Variants in ANO9 observed in about 807,000 individuals in gnomAD.
ANO9 encodes the protein anoctamin 9.
Under a neutral mutation model 100.5 loss-of-function variants are expected in ANO9, and 80 were observed. The observed-to-expected ratio is 0.80, with a 90% CI of 0.66 to 0.96. The LOEUF is 0.96. Ranked by LOEUF, ANO9 falls within the 40% of genes least tolerant of loss-of-function variation. ANO9 has a pLI of 0.00. For missense variants in ANO9, 1,064 were observed against 1,072.7 expected (o/e 0.99, Z 0.11); for synonymous variants, 473 against 435.6 (o/e 1.09, Z -1.07).
intron 1 of ANO9, among the ~76,000 whole-genome samples, chr11:441,662 T>G (rs1845882398): frequency 6.6e-6 from 1 of 152,112 alleles, no homozygotes; most frequent in Admixed American, 6.5e-5. Flanking sequence ...CCAGCCCTGG[T>G]GCCCTCAGAA....
At chr11:423,108 G>A (rs1256231406) in intron 15 of ANO9, among the ~76,000 whole-genome samples, 15 of 152,118 alleles carry the variant, frequency 9.9e-5, no homozygotes, top group African/African-American at 2.9e-4. Context: ...GATTACAGGC[G>A]TGAGCCACCA....
rs74541064 is a variant in ANO9 at position 431,857 on chromosome 11, G to A, written c.456C>T (p.Pro152=). ...MKDGVFEARF[P]LHKGEGRLKK... ...CCAGCCCACCCCTCACCTTGTGCAG[G>A]GGGAACCTGGCCTCAAAGACCCCGT... The change falls in exon 6 of 23, where the codon CCC becomes CCT. Residue 152 remains proline (P), a synonymous_variant. Transcript: ENST00000332826. 6.2e-7 allele frequency: 1 copy of A among 1,610,764 alleles called. No homozygotes were observed. Among genetic ancestry groups the A allele is most frequent in the South Asian group, 1.1e-5 (1 of 91,008 alleles).
At chr11:441,050 G>A (rs1312187586) in intron 1 of ANO9, among the ~76,000 whole-genome samples, 1 of 152,190 alleles carries the variant, frequency 6.6e-6, no homozygotes, top group East Asian at 1.9e-4. Context: ...CTCAGGCTAA[G>A]GGGCATCAGG....
intron 1 of ANO9, 144 bp from the exon 2 acceptor site, chr11:434,242 C>T (rs1849275433): frequency 9.8e-7 from 1 of 1,017,180 alleles, no homozygotes; most frequent in Non-Finnish European, 1.4e-6. Flanking sequence ...GAGGAGATGG[C>T]TGTAGGCGGG....
At position 421,298 on chromosome 11, in the gene ANO9, G is replaced by C. The variant is rs1848167831; in HGVS notation, c.1335-100C>G. The C allele has an allele frequency of 7.7e-7, 1 of 1,295,252 alleles. No homozygotes were observed. Among genetic ancestry groups the C allele is most frequent in the Non-Finnish European group, 1.0e-6 (1 of 974,940 alleles). The allele number at this position is 1,295,252 out of a possible 1,614,324, so 80.2% of individuals were successfully genotyped here. A position where few individuals can be genotyped will look rare whatever the true frequency, so the allele number is the denominator to read the frequency against. On this transcript the variant is annotated intron_variant, in intron 15 of 22. Coordinates refer to ENST00000332826, the MANE Select transcript of ANO9 (RefSeq NM_001012302.3). The surrounding 1 kb of genome is among the most constrained non-coding windows in gnomAD (Gnocchi z 6.8). The stretch of plus-strand genomic sequence containing the variant: ...AGCGGGTAGGAAAGACACAGAACAG[G>C]CGGGGCAGGCCCTGCAGGTGAGCGG...
chr11:433,491 C>T, intron 3 of ANO9, 32 bp from the exon 4 acceptor site: 1 of 1,595,516 alleles, frequency 6.3e-7, no homozygotes, highest in African/African-American at 1.3e-5. Flanking sequence ...TATCCCACCT[C>T]AGAACCCTCC....
rs111777907 is a variant in ANO9 at position 428,894 on chromosome 11, A to C, written c.916-68T>G. On this transcript the variant is annotated intron_variant, in intron 11 of 22. Transcript: ENST00000332826. ...CCCACATGTGGGGAGACAGACACAG[A>C]GACACACCTCACGGGTGGACAGACA... The C allele has an allele frequency of 6.9e-3, 9,757 of 1,420,606 alleles. 218 individuals carry two copies. The African/African-American group carries it at 0.071, about 10-fold the overall frequency. 88.0% of individuals were successfully genotyped at this position (1,420,606 alleles called of 1,614,324 possible). A position where few individuals can be genotyped will look rare whatever the true frequency, so the allele number is the denominator to read the frequency against.
rs371814578 is a variant in ANO9, at chr11:418,362, G to A, written c.*9C>T. On this transcript the variant is annotated 3_prime_UTR_variant, in exon 23 of 23. Transcript: ENST00000332826. ...TCAGCTCCTGGTGGCCTCTGGACGG[G>A]CTCTGGCCCTACACGTCTGTGCTCC... 2.1e-5 allele frequency: 34 copies of A among 1,594,880 alleles called. No individual in the cohort carries two copies. Among genetic ancestry groups the A allele is most frequent in the East Asian group, 1.8e-4 (8 of 44,494 alleles).
Position 422,274 on chromosome 11 carries a change from A to G in ANO9, c.1335-1076T>C, listed in dbSNP as rs1848242020. On this transcript the variant is annotated intron_variant, in intron 15 of 22. Coordinates refer to ENST00000332826, the MANE Select transcript of ANO9 (RefSeq NM_001012302.3). This position sits in a 1 kb window ranked among gnomAD's most constrained non-coding sequence, Gnocchi z 4.3. ...AGGGAGAACCTCGTTCTCCCATAAG[A>G]AAACGGAGGATGTATTTGTAGTCAG... 6.6e-6 allele frequency among the ~76,000 whole-genome samples: 1 copy of G among 152,246 alleles called. No homozygotes were observed. The highest frequency in any genetic ancestry group is 2.4e-5 in the African/African-American group (1 of 41,464).
At chr11:418,692 T>A (rs1475231896) in intron 22 of ANO9, 28 bp downstream of exon 22, 1 of 1,612,396 alleles carries the variant, frequency 6.2e-7, no homozygotes. Context: ...CCAGACCCAC[T>A]CCGAGGCCTC....
chr11:428,382 C>A lies in ANO9; in HGVS notation c.1198G>T (p.Val400Leu). Reference protein sequence around the residue: ...IIIMTKINRCVALKLCDFEMP... With the variant: ...IIIMTKINRCLALKLCDFEMP... The stretch of plus-strand genomic sequence containing the variant: ...CCGAAGTCACAAAGCTTCAGGGCCA[C>A]GCACCTGTTGATCTGCGGAGGAGGG... Residue 400 changes from valine (V) to leucine (L), a missense_variant, in exon 14 of 23, where the codon GTG becomes TTG. Coordinates refer to ENST00000332826, the MANE Select transcript of ANO9 (RefSeq NM_001012302.3). 1 of 1,612,666 alleles carries A rather than the reference C, an allele frequency of 6.2e-7. No individual in the cohort carries two copies. Among genetic ancestry groups the A allele is most frequent in the Non-Finnish European group, 8.5e-7 (1 of 1,179,946 alleles).
intron 1 of ANO9, among the ~76,000 whole-genome samples, chr11:436,747 G>A (rs1301070517): frequency 3.5e-4 from 1 of 2,826 alleles, no homozygotes; most frequent in Non-Finnish European, 9.1e-4. Flanking sequence ...AGCAGGGGGT[G>A]AGCAGGGGGT....
chr11:430,224 A>G (rs1332456126), intron 8 of ANO9, 45 bp from the exon 9 acceptor site: 1 of 1,550,774 alleles, frequency 6.4e-7, no homozygotes, highest in Non-Finnish European at 8.7e-7. Flanking sequence ...TCCAGGCAGC[A>G]GGGCCCACCC....
chr11:441,784 G>T (rs1018978369), intron 1 of ANO9, 137 bp downstream of exon 1: 1 of 1,347,698 alleles, frequency 7.4e-7, no homozygotes. Flanking sequence ...TCGCCTGACC[G>T]GGCAGCCTGC....
intron 4 of ANO9, 152 bp downstream of exon 4, chr11:433,162 T>TG (rs1182262307): frequency 9.9e-7 from 1 of 1,012,010 alleles, no homozygotes; most frequent in African/African-American, 1.7e-5. Context: ...ACACAGCCAG[T>TG]GGGTCTCACA....
chr11:430,352 G>T lies in ANO9; in HGVS notation c.591C>A (p.Tyr197Ter). The change falls in exon 8 of 23, where the codon TAC becomes TAA. Residue 197 changes from tyrosine to a stop codon, truncating the protein, a stop_gained. Transcript: ENST00000332826. LOFTEE classifies it high-confidence loss of function. ...GGGCGGCCGGCACCAGCATGTAGGT[G>T]TACCAGCCCAGCCAGACGAAGTACA... ...VALYFVWLGW[Y>*]TYMLVPAALT... is the part of the protein sequence containing the mutation. The T allele has an allele frequency of 6.2e-7, 1 of 1,609,116 alleles. No homozygotes were observed. The highest frequency in any genetic ancestry group is 8.5e-7 in the Non-Finnish European group (1 of 1,178,976).
intron 1 of ANO9, among the ~76,000 whole-genome samples, chr11:436,187 C>A (rs1849524783): frequency 6.6e-6 from 1 of 151,628 alleles, no homozygotes; most frequent in African/African-American, 2.4e-5. Flanking sequence ...CCTGCCTCAG[C>A]CTCCCGCGTA....
chr11:420,290 A>G (rs1254989429), intron 19 of ANO9, 173 bp downstream of exon 19: 1 of 1,436,706 alleles, frequency 7.0e-7, no homozygotes, highest in Admixed American at 2.7e-5. Flanking sequence ...CACTCCTGGT[A>G]CCCTCCCACC....
Position 430,312 on chromosome 11 carries a change from C to G in ANO9, c.631G>C (p.Val211Leu), listed in dbSNP as rs1218222834. ...AACAGCGAGAATCCGCTCAGAAAGA[C>G]TAAGAGGCCCGTCAGGGCGGCCGGC... ...LVPAALTGLL[V>L]FLSGFSLFEA... Residue 211 changes from valine to leucine, a missense_variant, in exon 8 of 23, where the codon GTC becomes CTC. Transcript: ENST00000332826. 1.2e-6 allele frequency: 2 copies of G among 1,606,474 alleles called. No homozygotes were observed. Among genetic ancestry groups the G allele is most frequent in the Non-Finnish European group, 1.7e-6 (2 of 1,177,528 alleles).
Sources: gnomAD v4.1 joint callset for allele counts (sites outside exome capture counted in the v4.1 genomes callset) on GRCh38, gnomAD v4.1.1 for gene constraint, Gnocchi (gnomAD v3.1) non-coding constraint, MANE v1.5 for transcripts, NCBI Gene and HGNC (gene_info 2026-07-23, HGNC 2026-07-21) for gene names.